The following RGS6 variants were observed in gnomAD, a reference collection of about 807,000 sequenced individuals.
The protein encoded by RGS6 is regulator of G-protein signaling 6.
Under a neutral mutation model 78.5 loss-of-function variants are expected in RGS6, and 30 were observed. The ratio of observed to expected loss-of-function variants is 0.38; its 90% CI spans 0.29 to 0.52. The LOEUF (loss-of-function observed/expected upper bound fraction) is 0.52, where lower values mean the gene tolerates loss of function less well. RGS6 is among the 20% of genes least tolerant of loss of function. The pLI is 0.85. For synonymous variants in RGS6, 206 were observed against 206.0 expected, an observed-to-expected ratio of 1.00 and a Z score of 0.00; for missense variants, 495 against 609.7, an observed-to-expected ratio of 0.81 and a Z score of 1.98.
chr14:72,624,917 T>C, the RGS6 span, among the ~76,000 whole-genome samples: 6 of 152,228 alleles, frequency 3.9e-5, no homozygotes, highest in African/African-American at 7.2e-5. Context: ...TCGGGGGAAA[T>C]TGAGGCCAGT....
chr14:72,563,227 C>T lies in RGS6; in HGVS notation c.*760C>T, dbSNP rs138665205. ...GACAGAGCTTTTTGTTTCACAGCTG[C>T]GGGGATTCTGCTGACCATCTTTTAG... is the stretch of plus-strand genomic sequence containing the variant. On this transcript the variant is annotated 3_prime_UTR_variant, in exon 18 of 18. Transcript: ENST00000553525. 8.9e-3 allele frequency: 1,467 copies of T among 165,364 alleles called. 15 individuals are homozygous for T. Among genetic ancestry groups the T allele is most frequent in the Middle Eastern group, 0.021 (7 of 332 alleles). 10.2% of individuals were successfully genotyped at this position (165,364 alleles called of 1,614,324 possible).
At chr14:72,547,394 G>T in intron 17 of RGS6, 1 of 1,463,312 alleles carries the variant, frequency 6.8e-7, no homozygotes, top group Non-Finnish European at 9.1e-7. Context: ...ACCCATGGAA[G>T]TCCCCCCAAA....
chr14:71,918,084 G>C, the RGS6 span, among the ~76,000 whole-genome samples: 2 of 150,692 alleles, frequency 1.3e-5, no homozygotes, highest in African/African-American at 4.9e-5. Context: ...GGGAGGCTGA[G>C]GCAGGAGAAT....
At chr14:72,200,824 A>G (rs1402716787) in intron 2 of RGS6, among the ~76,000 whole-genome samples, 1 of 152,112 alleles carries the variant, frequency 6.6e-6, no homozygotes, top group Non-Finnish European at 1.5e-5. Flanking sequence ...ATGGGAGTCA[A>G]ATGCTCTTTG....
rs28428926 is a variant in RGS6, at chr14:72,466,101, A to T, written c.459+279A>T. Among the ~76,000 whole-genome samples, 15 of 152,314 alleles carry T rather than the reference A, an allele frequency of 9.8e-5. 1 individual carries two copies. The South Asian group carries it at 3.1e-3, about 32-fold the overall frequency. Reference sequence around the variant, plus strand: ...CTTAACAGATATTTTACCAAAGAGGACACAAGGATGATAAATAAACCCATG... The same window carrying T: ...CTTAACAGATATTTTACCAAAGAGGTCACAAGGATGATAAATAAACCCATG... On this transcript the variant is annotated intron_variant, in intron 7 of 17. Coordinates refer to ENST00000553525, the MANE Select transcript of RGS6 (RefSeq NM_001204424.2).
Position 72,023,946 on chromosome 14 carries a change from G to C in RGS6, c.84+59071G>C, listed in dbSNP as rs181974269. Among the ~76,000 whole-genome samples, 4 of 152,288 alleles carry C rather than the reference G, an allele frequency of 2.6e-5. No individual in the cohort carries two copies. In the South Asian group the frequency reaches 8.3e-4, roughly 32 times the overall value. The stretch of plus-strand genomic sequence containing the variant: ...GAACATGAACTTACTCCTTGCTCTC[G>C]TTTCTGGGGGAGAAAGCCATGTATA... On this transcript the variant is annotated intron_variant, in intron 2 of 17. Transcript: ENST00000553525.
intron 13 of RGS6, among the ~76,000 whole-genome samples, chr14:72,501,559 G>C (rs2238174): frequency 0.24 from 36,322 of 152,106 alleles, 6,675 homozygotes; most frequent in African/African-American, 0.52. Context: ...AAAGAAAATA[G>C]TGATTGCCAG....
chr14:72,618,773 A>C, the RGS6 span, among the ~76,000 whole-genome samples: 1 of 152,304 alleles, frequency 6.6e-6, no homozygotes, highest in Non-Finnish European at 1.5e-5. Flanking sequence ...AAAGGGTTTC[A>C]AGACCCCAAG....
intron 2 of RGS6, among the ~76,000 whole-genome samples, chr14:72,094,891 C>A (rs1047812714): frequency 6.6e-6 from 1 of 152,130 alleles, no homozygotes; most frequent in African/African-American, 2.4e-5. Context: ...ACTATTCTTG[C>A]AATTACACAA....
At chr14:72,295,259 C>G (rs2064538659) in intron 2 of RGS6, among the ~76,000 whole-genome samples, 1 of 150,310 alleles carries the variant, frequency 6.7e-6, no homozygotes, top group South Asian at 2.1e-4. Flanking sequence ...CCACTGCACT[C>G]CAGCCTGGGC....
At chr14:72,378,872 A>C (rs2085372508) in intron 3 of RGS6, among the ~76,000 whole-genome samples, 1 of 152,134 alleles carries the variant, frequency 6.6e-6, no homozygotes, top group Non-Finnish European at 1.5e-5. Flanking sequence ...ATAAGGATGC[A>C]ACCAAAAAAT....
At chr14:72,209,986 G>C (rs1351147505) in intron 2 of RGS6, among the ~76,000 whole-genome samples, 1 of 152,198 alleles carries the variant, frequency 6.6e-6, no homozygotes, top group Non-Finnish European at 1.5e-5. Context: ...ATATTAGGTA[G>C]ATATTTAGAG....
chr14:72,554,636 G>C (rs1296851389), intron 17 of RGS6, among the ~76,000 whole-genome samples: 1 of 152,174 alleles, frequency 6.6e-6, no homozygotes. Context: ...GCCACCGAGA[G>C]GCCTTACAGG....
At chr14:72,169,292 T>C (rs2096975739) in intron 2 of RGS6, among the ~76,000 whole-genome samples, 1 of 152,134 alleles carries the variant, frequency 6.6e-6, no homozygotes, top group African/African-American at 2.4e-5. Flanking sequence ...GTGCTATGTG[T>C]GTTAGGGGTT....
At chr14:72,613,535 G>A in the RGS6 span, among the ~76,000 whole-genome samples, 1 of 152,192 alleles carries the variant, frequency 6.6e-6, no homozygotes, top group Admixed American at 6.5e-5. Flanking sequence ...TATGACCTGA[G>A]GTTGGCACTG....
intron 2 of RGS6, among the ~76,000 whole-genome samples, chr14:72,268,502 C>T (rs2059419363): frequency 6.6e-6 from 1 of 152,234 alleles, no homozygotes; most frequent in Non-Finnish European, 1.5e-5. Context: ...GGATTTTCCT[C>T]ACTTCCTCCC....
At chr14:72,453,953 A>G (rs1195253712) in intron 3 of RGS6, among the ~76,000 whole-genome samples, 6 of 152,200 alleles carry the variant, frequency 3.9e-5, no homozygotes, top group Non-Finnish European at 5.9e-5. Context: ...ATTTCTACCC[A>G]TATTCTATTG....
intron 2 of RGS6, among the ~76,000 whole-genome samples, chr14:72,275,699 A>G (rs561404679): frequency 1.3e-5 from 2 of 152,338 alleles, no homozygotes; most frequent in East Asian, 1.9e-4. Context: ...CTGTCCTTCC[A>G]CACACTACCA....
intron 12 of RGS6, among the ~76,000 whole-genome samples, chr14:72,483,017 C>T (rs2096412359): frequency 6.6e-6 from 1 of 152,178 alleles, no homozygotes; most frequent in Non-Finnish European, 1.5e-5. Context: ...CTCTTATGCT[C>T]ACTTATCTCA....
Sources: allele counts gnomAD v4.1 joint callset (sites outside exome capture counted in the v4.1 genomes callset), GRCh38; gene constraint gnomAD v4.1.1; transcripts MANE v1.5; gene names NCBI Gene and HGNC (gene_info 2026-07-23, HGNC 2026-07-21).